PTPRD: variants seen among roughly 807,000 people sequenced by gnomAD.
PTPRD encodes the protein receptor-type tyrosine-protein phosphatase delta.
A neutral mutation model predicts 214.5 loss-of-function variants in PTPRD; 34 were observed. That is an observed-to-expected ratio of 0.16 (90% CI 0.12 to 0.21). The LOEUF (loss-of-function observed/expected upper bound fraction) is 0.21. PTPRD is among the 10% of genes least tolerant of loss of function. The pLI, the probability that PTPRD is intolerant of heterozygous loss-of-function variation, is 1.00. For missense variants in PTPRD, 2,545 were observed against 2,398.7 expected (o/e 1.06, Z -1.27); for synonymous variants, 1,128 against 845.7 (o/e 1.33, Z -5.79).
intron 7 of PTPRD, among the ~76,000 whole-genome samples, chr9:9,729,617 A>G (rs1359140087): frequency 6.6e-6 from 1 of 152,152 alleles, no homozygotes; most frequent in Non-Finnish European, 1.5e-5. Flanking sequence ...AAATGCTCAT[A>G]ATTTTAAATA....
intron 12 of PTPRD, among the ~76,000 whole-genome samples, chr9:8,684,176 G>A (rs966135491): frequency 2.0e-5 from 3 of 152,086 alleles, no homozygotes; most frequent in African/African-American, 7.2e-5. Flanking sequence ...AGCTACCAAC[G>A]TTTTGTGTCA....
chr9:9,147,093 T>G (rs1312890442), intron 10 of PTPRD, among the ~76,000 whole-genome samples: 2 of 152,150 alleles, frequency 1.3e-5, no homozygotes, highest in Non-Finnish European at 2.9e-5. Context: ...AGTATGAGAT[T>G]AGACCTGTTA....
intron 9 of PTPRD, among the ~76,000 whole-genome samples, chr9:9,318,547 C>T (rs924207356): frequency 2.0e-5 from 3 of 152,134 alleles, no homozygotes; most frequent in African/African-American, 7.2e-5. Context: ...CATCCAAATA[C>T]TTTAGATCTA....
intron 37 of PTPRD, among the ~76,000 whole-genome samples, chr9:8,384,918 C>A (rs569790189): frequency 6.6e-6 from 1 of 152,306 alleles, no homozygotes; most frequent in African/African-American, 2.4e-5. Context: ...TGAATGTATA[C>A]ACCAGGCAAA....
At chr9:9,112,325 G>A (rs1164668440) in intron 10 of PTPRD, among the ~76,000 whole-genome samples, 1 of 152,110 alleles carries the variant, frequency 6.6e-6, no homozygotes, top group Non-Finnish European at 1.5e-5. Context: ...AGAGGTAGAA[G>A]TAGTTAGGGG....
Position 8,341,287 on chromosome 9 carries a change from A to G in PTPRD, c.4948-19T>C. 1 of 1,555,330 alleles carries G rather than the reference A, an allele frequency of 6.4e-7. No individual in the cohort carries two copies. The highest frequency in any genetic ancestry group is 2.3e-5 in the East Asian group (1 of 44,144). ...CTAGACGCTGTTGAATAGGAAAAAAAAAAAAGGAAAAACCCAACAAAGATC... is the reference window on the plus strand; with the variant it reads ...CTAGACGCTGTTGAATAGGAAAAAAGAAAAAGGAAAAACCCAACAAAGATC... On this transcript the variant is annotated intron_variant, in intron 40 of 45. Transcript: ENST00000381196.
intron 8 of PTPRD, among the ~76,000 whole-genome samples, chr9:9,570,036 A>G (rs1176844754): frequency 6.6e-6 from 1 of 151,280 alleles, no homozygotes; most frequent in African/African-American, 2.4e-5. Context: ...TTTTTTAGGG[A>G]AAAAAAATAA....
intron 4 of PTPRD, among the ~76,000 whole-genome samples, chr9:9,941,064 T>C (rs559127859): frequency 6.1e-4 from 93 of 152,186 alleles, no homozygotes; most frequent in African/African-American, 2.1e-3. Flanking sequence ...TGACAGCTGA[T>C]GAGAAAAAGA....
chr9:8,434,837 C>G (rs1226484790), intron 35 of PTPRD, among the ~76,000 whole-genome samples: 1 of 151,942 alleles, frequency 6.6e-6, no homozygotes, highest in African/African-American at 2.4e-5. Context: ...GCCCTAAGCC[C>G]TAAATTAGAA....
intron 12 of PTPRD, among the ~76,000 whole-genome samples, chr9:8,733,134 G>C (rs1242973413): frequency 6.6e-6 from 1 of 152,152 alleles, no homozygotes; most frequent in East Asian, 1.9e-4. Flanking sequence ...CTCATTAATT[G>C]TCAAGTTAAT....
At position 9,807,423 on chromosome 9, in the gene PTPRD, A is replaced by G. The variant is rs181458971; in HGVS notation, c.-367-40572T>C. 5.3e-3 allele frequency among the ~76,000 whole-genome samples: 801 copies of G among 152,270 alleles called. 6 individuals are homozygous for G. The highest frequency in any genetic ancestry group is 0.016 in the African/African-American group (675 of 41,544). On this transcript the variant is annotated intron_variant, in intron 5 of 45. Coordinates refer to ENST00000381196, the MANE Select transcript of PTPRD (RefSeq NM_002839.4). ...GGCATGAGTTCAGTTATGGTTATCAAACAAGATGCGATGTTGGCTAGGAAG... is the reference window on the plus strand; with the variant it reads ...GGCATGAGTTCAGTTATGGTTATCAGACAAGATGCGATGTTGGCTAGGAAG...
intron 4 of PTPRD, among the ~76,000 whole-genome samples, chr9:10,030,793 T>C (rs944584427): frequency 6.6e-6 from 1 of 152,186 alleles, no homozygotes. Flanking sequence ...ACCAGGTAAT[T>C]TGTCATACTC....
intron 9 of PTPRD, among the ~76,000 whole-genome samples, chr9:9,234,159 G>C (rs1426183808): frequency 6.6e-6 from 1 of 152,198 alleles, no homozygotes; most frequent in Non-Finnish European, 1.5e-5. Context: ...TCTAGGTGGA[G>C]GTTCCCCAAA....
chr9:10,601,661 T>A (rs2078009493), intron 2 of PTPRD, among the ~76,000 whole-genome samples: 2 of 151,806 alleles, frequency 1.3e-5, no homozygotes, highest in African/African-American at 4.8e-5. Flanking sequence ...AAAATTATAT[T>A]ATTGCTGATG....
chr9:10,017,010 G>C (rs747510935), intron 4 of PTPRD, among the ~76,000 whole-genome samples: 1 of 152,106 alleles, frequency 6.6e-6, no homozygotes, highest in African/African-American at 2.4e-5. Flanking sequence ...TGAGAAGTTT[G>C]TGTCACGGTT....
chr9:9,079,716 T>C (rs2099756328), intron 10 of PTPRD, among the ~76,000 whole-genome samples: 4 of 152,048 alleles, frequency 2.6e-5, no homozygotes, highest in Non-Finnish European at 5.9e-5. Flanking sequence ...AGAAACACTT[T>C]AGGGAGGGGA....
chr9:9,368,536 A>T (rs2058519847), intron 9 of PTPRD, among the ~76,000 whole-genome samples: 3 of 151,812 alleles, frequency 2.0e-5, no homozygotes. Context: ...AAAGAATATT[A>T]AAGTCAGAGA....
intron 2 of PTPRD, among the ~76,000 whole-genome samples, chr9:10,598,871 GAC>G (rs774449088): frequency 2.0e-5 from 3 of 151,448 alleles, no homozygotes; most frequent in Non-Finnish European, 4.4e-5. Context: ...AAGAATGTAT[GAC>G]ACTACCAATT....
At chr9:9,956,523 A>G (rs1348157176) in intron 4 of PTPRD, among the ~76,000 whole-genome samples, 1 of 152,194 alleles carries the variant, frequency 6.6e-6, no homozygotes, top group Non-Finnish European at 1.5e-5. Flanking sequence ...AACCCATAAT[A>G]TTAAAAATAT....
Sources: gnomAD v4.1 joint callset for allele counts (sites outside exome capture counted in the v4.1 genomes callset) on GRCh38, gnomAD v4.1.1 for gene constraint, MANE v1.5 for transcripts, NCBI Gene and HGNC (gene_info 2026-07-23, HGNC 2026-07-21) for gene names.